The following PCDH15 variants were observed in gnomAD, a reference collection of about 807,000 sequenced individuals.
PCDH15 encodes the protein protocadherin related 15, also known as protocadherin-15.
Under a neutral mutation model 178.5 loss-of-function variants are expected in PCDH15, and 129 were observed. The observed-to-expected ratio is 0.72, with a 90% confidence interval of 0.63 to 0.84. The LOEUF is 0.84. PCDH15 is among the 40% of genes least tolerant of loss of function. The pLI, the probability that PCDH15 is intolerant of heterozygous loss-of-function variation, is 0.00. For missense variants in PCDH15, 2,230 were observed against 2,099.9 expected, an observed-to-expected ratio of 1.06 and a Z score of -1.21; for synonymous variants, 800 against 732.0, an observed-to-expected ratio of 1.09 and a Z score of -1.50.
intron 1 of PCDH15, among the ~76,000 whole-genome samples, chr10:54,777,874 A>T (rs1173627787): frequency 7.2e-5 from 11 of 152,214 alleles, no homozygotes; most frequent in African/African-American, 2.7e-4. Flanking sequence ...AAAGTATGTC[A>T]GCTAGTAGCA....
At chr10:55,243,543 C>T (rs1251631154) in intron 1 of PCDH15, among the ~76,000 whole-genome samples, 1 of 152,102 alleles carries the variant, frequency 6.6e-6, no homozygotes, top group Non-Finnish European at 1.5e-5. Flanking sequence ...ATTGATGTTT[C>T]TCCTGGAGTG....
At chr10:53,927,476 C>A (rs1362718589) in intron 25 of PCDH15, among the ~76,000 whole-genome samples, 1 of 151,892 alleles carries the variant, frequency 6.6e-6, no homozygotes, top group East Asian at 1.9e-4. Context: ...TTAATTAGTC[C>A]AGGTCAAAAT....
At chr10:54,013,102 T>C (rs2092640267) in intron 20 of PCDH15, among the ~76,000 whole-genome samples, 1 of 148,690 alleles carries the variant, frequency 6.7e-6, no homozygotes, top group Non-Finnish European at 1.5e-5. Context: ...AAAGCTGAAG[T>C]TGCTATCCAA....
At chr10:54,196,311 G>T (rs2384399) in intron 10 of PCDH15, among the ~76,000 whole-genome samples, 34,489 of 151,486 alleles carry the variant, frequency 0.23, 5,804 homozygotes, top group African/African-American at 0.48. Flanking sequence ...CATGGCTAAT[G>T]TTTTGTATTT....
intron 2 of PCDH15, among the ~76,000 whole-genome samples, chr10:55,099,678 G>C (rs1434186033): frequency 6.6e-6 from 1 of 151,872 alleles, no homozygotes; most frequent in Non-Finnish European, 1.5e-5. Flanking sequence ...ATCCATAAGA[G>C]TTGTTTGATT....
At chr10:53,991,279 T>C (rs1424562704) in intron 21 of PCDH15, among the ~76,000 whole-genome samples, 3 of 152,234 alleles carry the variant, frequency 2.0e-5, no homozygotes, top group East Asian at 3.9e-4. Flanking sequence ...GGCTCCTGAG[T>C]CTGGTGGGGA....
chr10:55,420,166 T>A (rs888884974), intron 2 of PCDH15, among the ~76,000 whole-genome samples: 2 of 151,714 alleles, frequency 1.3e-5, no homozygotes, highest in Admixed American at 6.6e-5. Flanking sequence ...GAATATTTAA[T>A]TACATGTGAC....
intron 21 of PCDH15, among the ~76,000 whole-genome samples, chr10:53,981,413 A>G (rs1272028941): frequency 6.6e-6 from 1 of 152,214 alleles, no homozygotes; most frequent in Non-Finnish European, 1.5e-5. Context: ...ACCTGACTTC[A>G]AACTATACTA....
At chr10:54,020,485 G>A in intron 19 of PCDH15, 69 bp from the exon 20 acceptor site, 1 of 1,426,234 alleles carries the variant, frequency 7.0e-7, no homozygotes, top group Non-Finnish European at 9.9e-7. Flanking sequence ...AAGGATGGAA[G>A]TCATGCGTTA....
At chr10:55,074,863 T>A (rs1037772888) in intron 2 of PCDH15, among the ~76,000 whole-genome samples, 11 of 152,208 alleles carry the variant, frequency 7.2e-5, no homozygotes, top group African/African-American at 2.4e-4. Flanking sequence ...TACATTTAAG[T>A]CTTTAATCCA....
intron 3 of PCDH15, among the ~76,000 whole-genome samples, chr10:54,437,170 A>C (rs1274221221): frequency 6.6e-6 from 1 of 152,196 alleles, no homozygotes; most frequent in Non-Finnish European, 1.5e-5. Flanking sequence ...AATAATCTTC[A>C]TTTGAAGCAA....
At chr10:55,317,201 CA>C (rs1255925422) in intron 1 of PCDH15, among the ~76,000 whole-genome samples, 1 of 152,162 alleles carries the variant, frequency 6.6e-6, no homozygotes, top group Non-Finnish European at 1.5e-5. Context: ...TTGGTCTCAA[CA>C]CATTGTTGTG....
intron 16 of PCDH15, among the ~76,000 whole-genome samples, chr10:54,086,294 T>G (rs1307838007): frequency 6.6e-6 from 1 of 152,022 alleles, no homozygotes; most frequent in Non-Finnish European, 1.5e-5. Context: ...TTTACAACCA[T>G]TTGTTGTGGG....
chr10:54,190,763 A>G (rs1043878006), intron 11 of PCDH15, among the ~76,000 whole-genome samples: 1 of 152,196 alleles, frequency 6.6e-6, no homozygotes, highest in Non-Finnish European at 1.5e-5. Context: ...ATGGCTTTAA[A>G]GTTTTCTTTT....
chr10:54,518,720 C>T (rs2082497708), intron 3 of PCDH15, among the ~76,000 whole-genome samples: 1 of 152,168 alleles, frequency 6.6e-6, no homozygotes, highest in African/African-American at 2.4e-5. Flanking sequence ...ATGAGGCCAG[C>T]ATCATCCTGA....
At chr10:54,088,159 C>A (rs1411436717) in intron 16 of PCDH15, among the ~76,000 whole-genome samples, 1 of 152,166 alleles carries the variant, frequency 6.6e-6, no homozygotes, top group Non-Finnish European at 1.5e-5. Context: ...GCACATTTTA[C>A]ATGGCCACAT....
rs190570000 is a variant in PCDH15 at position 54,563,550 on chromosome 10, G to A, written c.92-35673C>T. On this transcript the variant is annotated intron_variant, in intron 2 of 37. Transcript: ENST00000644397. ...AGTTATTGGCTCTGGCAGCAAAAGA[G>A]TAACATATTAACTGAAGAGTAAAGA... Among the ~76,000 whole-genome samples the A allele has an allele frequency of 2.3e-4, 35 of 152,276 alleles. No homozygotes were observed. The East Asian group carries it at 6.4e-3, about 28-fold the overall frequency.
At chr10:54,379,817 G>C (rs1304967187) in intron 3 of PCDH15, among the ~76,000 whole-genome samples, 1 of 151,914 alleles carries the variant, frequency 6.6e-6, no homozygotes, top group African/African-American at 2.4e-5. Context: ...TAAACTTATA[G>C]ATATAGAAGA....
intron 1 of PCDH15, among the ~76,000 whole-genome samples, chr10:55,248,281 AAC>A (rs1404712038): frequency 6.6e-6 from 1 of 152,044 alleles, no homozygotes; most frequent in Non-Finnish European, 1.5e-5. Flanking sequence ...TTTTGAAAAA[AAC>A]ACTTATTATA....
Sources: gnomAD v4.1 joint callset for allele counts (sites outside exome capture counted in the v4.1 genomes callset) on GRCh38, gnomAD v4.1.1 for gene constraint, MANE v1.5 for transcripts, NCBI Gene and HGNC (gene_info 2026-07-23, HGNC 2026-07-21) for gene names.